CFH: variants seen among roughly 807,000 people sequenced by gnomAD.
CFH encodes the protein complement factor H, also known as H factor 1 (complement).
CFH carries 53 observed loss-of-function variants against 147.3 expected under a neutral mutation model. That is an observed-to-expected ratio of 0.36 (90% confidence interval 0.29 to 0.45). The LOEUF is 0.45. Among genes scored for constraint, CFH ranks in the 20% least tolerant of loss-of-function variants. CFH has a pLI of 1.00. For missense variants in CFH, 1,380 were observed against 1,498.0 expected (o/e 0.92, Z 1.30); for synonymous variants, 536 against 489.4 (o/e 1.10, Z -1.26).
At chr1:196,670,521 T>G (rs538066108) in intron 1 of CFH, among the ~76,000 whole-genome samples, 1 of 152,336 alleles carries the variant, frequency 6.6e-6, no homozygotes, top group South Asian at 2.1e-4. Flanking sequence ...TTGATGGTTT[T>G]ATAAGCATCT....
At chr1:196,715,179 T>G (rs1668839318) in intron 10 of CFH, among the ~76,000 whole-genome samples, 1 of 151,982 alleles carries the variant, frequency 6.6e-6, no homozygotes, top group African/African-American at 2.4e-5. Context: ...ACATAGGAAT[T>G]TATATTTTCA....
chr1:196,669,280 C>A (rs890268692), intron 1 of CFH, among the ~76,000 whole-genome samples: 1 of 152,090 alleles, frequency 6.6e-6, no homozygotes, highest in African/African-American at 2.4e-5. Context: ...AAATAAAACC[C>A]GAATTTTCTT....
intron 21 of CFH, among the ~76,000 whole-genome samples, chr1:196,746,438 G>T (rs376819818): frequency 2.0e-5 from 3 of 152,120 alleles, no homozygotes; most frequent in Admixed American, 2.0e-4. Context: ...GTGACAAAGC[G>T]AGACTCCGTC....
chr1:196,690,462 A>G (rs1573028350), intron 9 of CFH: 1 of 620,042 alleles, frequency 1.6e-6, no homozygotes, highest in Non-Finnish European at 2.9e-6. Context: ...GCATTAGTCA[A>G]GAATACAGTA....
chr1:196,692,822 C>CTTTCTTTT (rs1367433142), intron 9 of CFH, among the ~76,000 whole-genome samples: 255 of 22,496 alleles, frequency 0.011, 19 homozygotes, highest in East Asian at 0.03. Context: ...TTCTTTCTTT[C>CTTTCTTTT]TCTTTCCTTC....
At chr1:196,732,984 T>C (rs1558181646) in intron 15 of CFH, among the ~76,000 whole-genome samples, 1 of 152,056 alleles carries the variant, frequency 6.6e-6, no homozygotes. Flanking sequence ...CAGCTTTTTG[T>C]ATTCTGTGAT....
chr1:196,728,117 T>C (rs1276834429), intron 14 of CFH, among the ~76,000 whole-genome samples: 1 of 151,992 alleles, frequency 6.6e-6, no homozygotes, highest in Non-Finnish European at 1.5e-5. Context: ...AAGAATAAAA[T>C]GTCTTCTGAT....
chr1:196,653,343 A>G (rs1666569295), intron 1 of CFH, among the ~76,000 whole-genome samples: 1 of 151,802 alleles, frequency 6.6e-6, no homozygotes, highest in Non-Finnish European at 1.5e-5. Context: ...ACATATAAAT[A>G]TTATAATTAG....
At chr1:196,723,653 G>A (rs772665134) in intron 11 of CFH, among the ~76,000 whole-genome samples, 1 of 152,018 alleles carries the variant, frequency 6.6e-6, no homozygotes, top group Non-Finnish European at 1.5e-5. Context: ...AAGGTACAGT[G>A]GTCTGAGGAG....
intron 9 of CFH, among the ~76,000 whole-genome samples, chr1:196,693,059 C>G (rs1019409645): frequency 6.6e-6 from 1 of 151,828 alleles, no homozygotes; most frequent in African/African-American, 2.4e-5. Context: ...ATATAATTAA[C>G]AAGTCTTAGC....
At chr1:196,743,209 G>A (rs1652871838) in intron 19 of CFH, among the ~76,000 whole-genome samples, 1 of 152,062 alleles carries the variant, frequency 6.6e-6, no homozygotes, top group African/African-American at 2.4e-5. Context: ...GAAAAATAAA[G>A]GTCTATCAGT....
At chr1:196,663,153 T>A (rs1342267182) in intron 1 of CFH, among the ~76,000 whole-genome samples, 7 of 152,202 alleles carry the variant, frequency 4.6e-5, no homozygotes, top group Admixed American at 4.6e-4. Flanking sequence ...TGGAATTTTT[T>A]AATTCTTGGA....
chr1:196,672,622 G>C (rs369559135), intron 1 of CFH, among the ~76,000 whole-genome samples: 14 of 152,214 alleles, frequency 9.2e-5, no homozygotes, highest in African/African-American at 3.4e-4. Context: ...ACTTAGAATA[G>C]TGCTCAATAA....
intron 21 of CFH, among the ~76,000 whole-genome samples, chr1:196,746,411 A>T (rs1322784108): frequency 6.6e-6 from 1 of 152,248 alleles, no homozygotes; most frequent in Non-Finnish European, 1.5e-5. Context: ...AGTTCGCGCC[A>T]CTGCACTCCA....
At chr1:196,682,973 T>G (rs994659107) in intron 6 of CFH, among the ~76,000 whole-genome samples, 8 of 104,178 alleles carry the variant, frequency 7.7e-5, no homozygotes, top group Admixed American at 4.5e-4. Flanking sequence ...AATTAAAACT[T>G]TATAAAATTT....
intron 9 of CFH, among the ~76,000 whole-genome samples, chr1:196,705,719 C>T (rs1263748528): frequency 6.6e-6 from 1 of 152,102 alleles, no homozygotes; most frequent in Non-Finnish European, 1.5e-5. Context: ...GCCACTGGCA[C>T]CACTTGTGAT....
intron 11 of CFH, among the ~76,000 whole-genome samples, chr1:196,723,940 G>T (rs1349069807): frequency 6.6e-6 from 1 of 152,018 alleles, no homozygotes; most frequent in African/African-American, 2.4e-5. Flanking sequence ...CACGGGACAT[G>T]TTCCCCTCTC....
Position 196,677,525 on chromosome 1 carries a change from T to G in CFH, c.477T>G (p.Ser159Arg). The G allele has an allele frequency of 6.2e-7, 1 of 1,613,108 alleles. No homozygotes were observed. The part of the protein sequence containing the change: ...VTAPENGKIV[S>R]SAMEPDREYH... ...CACCAGAGAATGGAAAAATTGTCAG[T>G]AGTGCAATGGAACCAGATCGGGAAT... Residue 159 changes from serine (S) to arginine (R), a missense_variant, in exon 5 of 22, where the codon AGT (serine) becomes AGG (arginine). Ser to Arg is a moderately radical substitution (Grantham distance 110). Coordinates refer to ENST00000367429, the MANE Select transcript of CFH (RefSeq NM_000186.4).
At chr1:196,660,647 T>A (rs1572996868) in intron 1 of CFH, among the ~76,000 whole-genome samples, 1 of 152,212 alleles carries the variant, frequency 6.6e-6, no homozygotes, top group Admixed American at 6.5e-5. Flanking sequence ...AATCAAAAGA[T>A]GCCATTTAAC....
Sources: allele counts gnomAD v4.1 joint callset (sites outside exome capture counted in the v4.1 genomes callset), GRCh38; gene constraint gnomAD v4.1.1; transcripts MANE v1.5; gene names NCBI Gene and HGNC (gene_info 2026-07-23, HGNC 2026-07-21).